SLC4A4: variants seen among roughly 807,000 people sequenced by gnomAD.
The protein encoded by SLC4A4 is solute carrier family 4 member 4, also known as electrogenic sodium bicarbonate cotransporter 1.
A neutral mutation model predicts 111.5 loss-of-function variants in SLC4A4; 27 were observed. The ratio of observed to expected loss-of-function variants is 0.24; its 90% CI spans 0.18 to 0.33. The LOEUF (loss-of-function observed/expected upper bound fraction) is 0.33. Ranked by LOEUF, SLC4A4 falls within the 10% of genes least tolerant of loss-of-function variation. The pLI is 1.00. For missense variants in SLC4A4, 909 were observed against 1,315.5 expected, an observed-to-expected ratio of 0.69 and a Z score of 4.78; for synonymous variants, 443 against 463.4, an observed-to-expected ratio of 0.96 and a Z score of 0.57.
chr4:71,190,590 G>A (rs1745689491), intron 1 of SLC4A4, among the ~76,000 whole-genome samples: 1 of 152,174 alleles, frequency 6.6e-6, no homozygotes, highest in Admixed American at 6.5e-5. Context: ...AGAGCCAGGT[G>A]CAGTGGTCCC....
rs562051221 is a variant in SLC4A4 at position 71,423,528 on chromosome 4, G to A, written c.808-17088G>A. 2.4e-3 allele frequency among the ~76,000 whole-genome samples: 358 copies of A among 152,198 alleles called. 1 individual carries two copies. Among genetic ancestry groups the A allele is most frequent in the African/African-American group, 7.9e-3 (328 of 41,514 alleles). ...ATGGAACCAAAAAAGAGCCCGCATC[G>A]CCAAGTCAATCCTAAGCCAAAAGAA... On this transcript the variant is annotated intron_variant, in intron 7 of 25. Coordinates refer to ENST00000264485, the MANE Select transcript of SLC4A4 (RefSeq NM_001098484.3).
intron 2 of SLC4A4, among the ~76,000 whole-genome samples, chr4:71,243,384 C>CT (rs1005873166): frequency 1.4e-4 from 22 of 152,054 alleles, no homozygotes; most frequent in Admixed American, 6.6e-4. Context: ...AATATTTCCC[C>CT]TTTTTTATCA....
At chr4:71,094,420 A>G (rs1236468230) in intron 2 of SLC4A4, among the ~76,000 whole-genome samples, 1 of 144,172 alleles carries the variant, frequency 6.9e-6, no homozygotes, top group Non-Finnish European at 1.5e-5. Flanking sequence ...TTTTGGCATT[A>G]CATTATAAAT....
At chr4:71,330,666 A>AGG (rs1468131685) in intron 3 of SLC4A4, among the ~76,000 whole-genome samples, 1 of 152,220 alleles carries the variant, frequency 6.6e-6, no homozygotes, top group Non-Finnish European at 1.5e-5. Context: ...TTCAGGACAT[A>AGG]AGCATGGGCA....
chr4:71,464,404 C>T (rs569649463), intron 12 of SLC4A4, among the ~76,000 whole-genome samples: 1 of 152,274 alleles, frequency 6.6e-6, no homozygotes, highest in East Asian at 1.9e-4. Flanking sequence ...CATCTTGGTT[C>T]TGCTGCCCTT....
chr4:71,535,748 T>G (rs1734355759), intron 18 of SLC4A4, among the ~76,000 whole-genome samples: 1 of 151,912 alleles, frequency 6.6e-6, no homozygotes, highest in African/African-American at 2.4e-5. Flanking sequence ...GCATATTTAG[T>G]GATGTGGAAG....
intron 15 of SLC4A4, among the ~76,000 whole-genome samples, chr4:71,493,326 C>A (rs557173655): frequency 1.4e-4 from 22 of 152,084 alleles, no homozygotes; most frequent in South Asian, 2.1e-4. Flanking sequence ...TTTTACCCAG[C>A]AACTCTAAAT....
chr4:71,174,054 G>C (rs1745015811), intron 2 of SLC4A4, among the ~76,000 whole-genome samples: 1 of 152,104 alleles, frequency 6.6e-6, no homozygotes, highest in South Asian at 2.1e-4. Context: ...ACTGTCAATA[G>C]ACAGCTTATT....
At chr4:71,141,118 A>T (rs1436767022) in intron 2 of SLC4A4, among the ~76,000 whole-genome samples, 2 of 152,140 alleles carry the variant, frequency 1.3e-5, no homozygotes, top group Non-Finnish European at 2.9e-5. Context: ...AACAAAACAT[A>T]TTCTTTCTGT....
intron 6 of SLC4A4, among the ~76,000 whole-genome samples, chr4:71,387,194 T>C (rs534306782): frequency 6.6e-6 from 1 of 152,278 alleles, no homozygotes; most frequent in African/African-American, 2.4e-5. Context: ...GGGAAGATGT[T>C]CTCTTTTTTA....
At chr4:71,322,541 G>C (rs559707330) in intron 3 of SLC4A4, among the ~76,000 whole-genome samples, 4 of 152,134 alleles carry the variant, frequency 2.6e-5, no homozygotes, top group Admixed American at 1.3e-4. Context: ...TCCTAATGTT[G>C]ATGAGAATTG....
intron 2 of SLC4A4, among the ~76,000 whole-genome samples, chr4:71,160,534 TGAG>T (rs1744592972): frequency 6.6e-6 from 1 of 151,542 alleles, no homozygotes. Flanking sequence ...GCTTAAATAA[TGAG>T]GAGAAGAAAC....
chr4:71,120,892 G>A (rs931597432), intron 2 of SLC4A4, among the ~76,000 whole-genome samples: 6 of 152,338 alleles, frequency 3.9e-5, no homozygotes, highest in South Asian at 2.1e-4. Flanking sequence ...GGTCGAGGCC[G>A]GAGCCGGCTC....
In SLC4A4 at chr4:71,075,645, C is replaced by A. The variant is rs115467845; in HGVS notation, c.-65+12857C>A. ...CTCCAGCTCTTCCTTCAGGTCTCCG[C>A]TCAAATGTCTTGGCTGACTACCCAA... On this transcript the variant is annotated intron_variant, in intron 1 of 26. Coordinates refer to the SLC4A4 transcript ENST00000649996. Among the ~76,000 whole-genome samples, 1,318 of 152,248 alleles carry A rather than the reference C, an allele frequency of 8.7e-3. 21 individuals are homozygous for A. The highest frequency in any genetic ancestry group is 0.03 in the African/African-American group (1,249 of 41,548).
chr4:71,101,116 A>G (rs993437288), intron 2 of SLC4A4, among the ~76,000 whole-genome samples: 8 of 151,938 alleles, frequency 5.3e-5, no homozygotes, highest in African/African-American at 1.9e-4. Flanking sequence ...AAAATTAGCC[A>G]GGCATGGTGG....
chr4:71,526,111 A>G (rs1032273562), intron 16 of SLC4A4, among the ~76,000 whole-genome samples: 21 of 152,036 alleles, frequency 1.4e-4, no homozygotes, highest in African/African-American at 3.6e-4. Context: ...TCATTTTAGT[A>G]TAGAGTAAGA....
chr4:71,359,020 A>G (rs1730528682), intron 6 of SLC4A4, among the ~76,000 whole-genome samples: 1 of 152,242 alleles, frequency 6.6e-6, no homozygotes, highest in Admixed American at 6.5e-5. Context: ...TGGAATGAAT[A>G]TGGCATGCAG....
intron 3 of SLC4A4, among the ~76,000 whole-genome samples, chr4:71,324,115 T>TA (rs1308262692): frequency 2.6e-5 from 4 of 152,084 alleles, no homozygotes; most frequent in African/African-American, 9.6e-5. Context: ...AATGCAGTCT[T>TA]ACGATATGCA....
intron 2 of SLC4A4, among the ~76,000 whole-genome samples, chr4:71,095,940 C>T (rs569620676): frequency 6.6e-6 from 1 of 152,054 alleles, no homozygotes. Context: ...GAGAAGACAG[C>T]ATGTATGAAA....
Sources: gnomAD v4.1 joint callset for allele counts (sites outside exome capture counted in the v4.1 genomes callset) on GRCh38, gnomAD v4.1.1 for gene constraint, MANE v1.5 for transcripts, NCBI Gene and HGNC (gene_info 2026-07-23, HGNC 2026-07-21) for gene names.